The following CNTNAP2 variants were observed in gnomAD, a reference collection of about 807,000 sequenced individuals.
The protein encoded by CNTNAP2 is contactin associated protein 2.
A neutral mutation model predicts 155.2 loss-of-function variants in CNTNAP2; 98 were observed. The ratio of observed to expected loss-of-function variants is 0.63; its 90% CI spans 0.54 to 0.75. The LOEUF (loss-of-function observed/expected upper bound fraction) is 0.75. Among genes scored for constraint, CNTNAP2 ranks in the 30% least tolerant of loss-of-function variants. CNTNAP2 has a pLI of 0.00. For synonymous variants in CNTNAP2, 651 were observed against 631.2 expected, an observed-to-expected ratio of 1.03 and a Z score of -0.47; for missense variants, 1,727 against 1,688.1, an observed-to-expected ratio of 1.02 and a Z score of -0.40.
At chr7:146,615,573 A>T (rs1305989650) in intron 1 of CNTNAP2, among the ~76,000 whole-genome samples, 1 of 152,222 alleles carries the variant, frequency 6.6e-6, no homozygotes, top group African/African-American at 2.4e-5. Flanking sequence ...ATATCTCATC[A>T]ACACACATCA....
intron 3 of CNTNAP2, among the ~76,000 whole-genome samples, chr7:146,861,166 T>C (rs894491214): frequency 6.6e-6 from 1 of 152,158 alleles, no homozygotes; most frequent in Admixed American, 6.5e-5. Context: ...GTTCAAGCGA[T>C]TCTCCTGCCT....
At chr7:147,159,833 C>T (rs778257857) in intron 8 of CNTNAP2, among the ~76,000 whole-genome samples, 41 of 151,964 alleles carry the variant, frequency 2.7e-4, no homozygotes, top group East Asian at 3.9e-4. Context: ...TCACTGCCTC[C>T]GAAACTGATA....
chr7:146,250,438 G>A (rs1049358712), intron 1 of CNTNAP2, among the ~76,000 whole-genome samples: 1 of 152,308 alleles, frequency 6.6e-6, no homozygotes, highest in African/African-American at 2.4e-5. Context: ...AGGTCGCATG[G>A]ATAGAGAGCA....
At chr7:146,945,411 A>C (rs1396914448) in intron 3 of CNTNAP2, among the ~76,000 whole-genome samples, 1 of 152,224 alleles carries the variant, frequency 6.6e-6, no homozygotes, top group Non-Finnish European at 1.5e-5. Flanking sequence ...AATTAATTAC[A>C]ATACTGATGT....
At chr7:148,309,958 G>A (rs914542631) in intron 21 of CNTNAP2, among the ~76,000 whole-genome samples, 22 of 152,138 alleles carry the variant, frequency 1.4e-4, no homozygotes, top group Non-Finnish European at 3.1e-4. Flanking sequence ...GCGGGATTAG[G>A]GGCGGCATGG....
At chr7:146,775,123 T>C (rs952183607) in intron 2 of CNTNAP2, among the ~76,000 whole-genome samples, 1 of 152,146 alleles carries the variant, frequency 6.6e-6, no homozygotes, top group Non-Finnish European at 1.5e-5. Flanking sequence ...TTTAATTCAG[T>C]AAAACAGGAA....
chr7:146,964,793 A>T (rs1014852299), intron 3 of CNTNAP2, among the ~76,000 whole-genome samples: 3 of 152,152 alleles, frequency 2.0e-5, no homozygotes, highest in African/African-American at 4.8e-5. Flanking sequence ...TCTATATTCA[A>T]ATCTGCCCTT....
chr7:147,625,833 G>A lies in CNTNAP2; in HGVS notation c.1898-13273G>A, dbSNP rs571968817. ...AGGTGAAAAACTGAGCATTCCCAAAGTGTGAGAGAAGGAAAACCTGCCTCC... is the reference window on the plus strand; with the variant it reads ...AGGTGAAAAACTGAGCATTCCCAAAATGTGAGAGAAGGAAAACCTGCCTCC... On this transcript the variant is annotated intron_variant, in intron 12 of 23. Transcript: ENST00000361727. Among the ~76,000 whole-genome samples the A allele has an allele frequency of 1.1e-4, 17 of 152,314 alleles. No homozygotes were observed. In the South Asian group the frequency reaches 3.3e-3, roughly 30 times the overall value.
At chr7:147,902,449 T>A (rs1799885475) in intron 13 of CNTNAP2, among the ~76,000 whole-genome samples, 1 of 152,212 alleles carries the variant, frequency 6.6e-6, no homozygotes, top group South Asian at 2.1e-4. Context: ...ACAGGTAGTA[T>A]TTGGTTGCAT....
At chr7:147,139,896 A>G (rs1801560056) in intron 8 of CNTNAP2, among the ~76,000 whole-genome samples, 1 of 152,076 alleles carries the variant, frequency 6.6e-6, no homozygotes, top group Non-Finnish European at 1.5e-5. Flanking sequence ...ACCTTTGGTA[A>G]ACATGGTATC....
intron 3 of CNTNAP2, among the ~76,000 whole-genome samples, chr7:146,935,875 C>A (rs973628173): frequency 2.6e-5 from 4 of 152,036 alleles, no homozygotes; most frequent in African/African-American, 4.8e-5. Context: ...TTTATGGAGA[C>A]CCTAGTAGGG....
intron 9 of CNTNAP2, among the ~76,000 whole-genome samples, chr7:147,365,633 T>G (rs2116904393): frequency 6.6e-6 from 1 of 152,100 alleles, no homozygotes; most frequent in East Asian, 1.9e-4. Context: ...ATCAGTCTCT[T>G]TACTCACCTC....
chr7:147,110,063 TACAGGCACCTACC>T (rs1257197983), intron 5 of CNTNAP2, among the ~76,000 whole-genome samples: 1 of 152,134 alleles, frequency 6.6e-6, no homozygotes, highest in Non-Finnish European at 1.5e-5. Context: ...TAGCTGGGAT[TACAGGCACCTACC>T]ACCATGCCCG....
At chr7:147,439,584 T>C (rs1304580661) in intron 10 of CNTNAP2, among the ~76,000 whole-genome samples, 1 of 152,034 alleles carries the variant, frequency 6.6e-6, no homozygotes. Flanking sequence ...TCTGTAAATA[T>C]TTATTAGATC....
Position 146,970,166 on chromosome 7 carries a change from C to T in CNTNAP2, c.403-73741C>T, listed in dbSNP as rs1431807539. ...TAGGCATGGGCAAGGACTTCATGTC[C>T]AAAACACCAAAAGCAATGGCAACAA... On this transcript the variant is annotated intron_variant, in intron 3 of 23. Coordinates refer to ENST00000361727, the MANE Select transcript of CNTNAP2 (RefSeq NM_014141.6). Among the ~76,000 whole-genome samples the T allele has an allele frequency of 9.2e-5, 14 of 152,014 alleles. No homozygotes were observed. In the South Asian group the frequency reaches 2.1e-3, roughly 23 times the overall value.
At chr7:147,669,875 C>A (rs1428508204) in intron 13 of CNTNAP2, among the ~76,000 whole-genome samples, 1 of 152,158 alleles carries the variant, frequency 6.6e-6, no homozygotes, top group African/African-American at 2.4e-5. Context: ...TGTTTTCCAT[C>A]CTAAGCACAA....
At position 146,802,271 on chromosome 7, in the gene CNTNAP2, A is replaced by G. The variant is rs78920826; in HGVS notation, c.208+27890A>G. 7.7e-3 allele frequency among the ~76,000 whole-genome samples: 1,174 copies of G among 152,294 alleles called. 19 individuals are homozygous for G. Among genetic ancestry groups the G allele is most frequent in the African/African-American group, 0.025 (1,056 of 41,562 alleles). ...AGCGCATTCAGATTGTTGACAGATC[A>G]GTTTCTTGCAGCTGTAGAAATGAGG... is the stretch of plus-strand genomic sequence containing the variant. On this transcript the variant is annotated intron_variant, in intron 2 of 23. Transcript: ENST00000361727.
intron 5 of CNTNAP2, among the ~76,000 whole-genome samples, chr7:147,117,977 C>T (rs1404046336): frequency 2.0e-5 from 3 of 151,960 alleles, no homozygotes; most frequent in African/African-American, 7.2e-5. Context: ...CTGGGAAATA[C>T]AAATGTCAAA....
At chr7:146,136,702 T>A (rs905453419) in intron 1 of CNTNAP2, among the ~76,000 whole-genome samples, 32 of 151,936 alleles carry the variant, frequency 2.1e-4, no homozygotes, top group African/African-American at 7.7e-4. Context: ...ACCTGAGTAA[T>A]GTCCCCATGC....
Sources: gnomAD v4.1 joint callset for allele counts (sites outside exome capture counted in the v4.1 genomes callset) on GRCh38, gnomAD v4.1.1 for gene constraint, MANE v1.5 for transcripts, NCBI Gene and HGNC (gene_info 2026-07-23, HGNC 2026-07-21) for gene names.